The following DNAH2 variants were observed in gnomAD, a reference collection of about 807,000 sequenced individuals.
The protein encoded by DNAH2 is dynein axonemal heavy chain 2.
Under a neutral mutation model 523.5 loss-of-function variants are expected in DNAH2, and 323 were observed. The observed-to-expected ratio is 0.62, with a 90% CI of 0.56 to 0.68. DNAH2 has a LOEUF of 0.68. Among genes scored for constraint, DNAH2 ranks in the 30% least tolerant of loss-of-function variants. The probability of loss-of-function intolerance (pLI) is 0.00; values close to 1 mark genes in which losing one functional copy is unlikely to be tolerated. For synonymous variants in DNAH2, 2,093 were observed against 2,177.4 expected (o/e 0.96, Z 1.08); for missense variants, 4,907 against 5,701.5 (o/e 0.86, Z 4.49).
Position 7,787,919 on chromosome 17 carries a change from C to T in DNAH2, c.6663C>T (p.Arg2221=), listed in dbSNP as rs1449992159. 2 of 1,614,190 alleles carry T rather than the reference C, an allele frequency of 1.2e-6. No homozygotes were observed. The highest frequency in any genetic ancestry group is 4.5e-5 in the East Asian group (2 of 44,882). Residue 2221 remains arginine (R), a synonymous_variant, in exon 43 of 86, where the codon CGC becomes CGT. Transcript: ENST00000572933. ...TGGCCTCTCCGGCCACTGTATCCCG[C>T]TGCGGGATGGTCTACACTGACTACG... ...LAMASPATVS[R]CGMVYTDYAD...
intron 63 of DNAH2, among the ~76,000 whole-genome samples, chr17:7,812,267 T>G (rs187275362): frequency 6.6e-6 from 1 of 152,266 alleles, no homozygotes; most frequent in African/African-American, 2.4e-5. Context: ...CATTCTTTTC[T>G]TAGGGGGTTG....
chr17:7,778,663 G>T (rs920571764), intron 35 of DNAH2, among the ~76,000 whole-genome samples, 194 bp downstream of exon 35: 1 of 152,092 alleles, frequency 6.6e-6, no homozygotes, highest in Non-Finnish European at 1.5e-5. Context: ...TTGCCTGCTG[G>T]GTTCGGGCAA....
chr17:7,829,893 G>T (rs1284077928), intron 77 of DNAH2, among the ~76,000 whole-genome samples: 1 of 152,006 alleles, frequency 6.6e-6, no homozygotes, highest in Non-Finnish European at 1.5e-5. Flanking sequence ...GGGCATGGTG[G>T]TGGGCGCCTG....
At chr17:7,733,400 C>T in intron 5 of DNAH2, 85 bp downstream of exon 5, 1 of 1,324,040 alleles carries the variant, frequency 7.6e-7, no homozygotes, top group Non-Finnish European at 1.1e-6. Flanking sequence ...TTCGTCTGAG[C>T]ACCTGTGTGG....
Position 7,780,334 on chromosome 17 carries a change from T to C in DNAH2, c.5850+50T>C. Reference sequence around the variant, plus strand: ...AGTGATTTTAATTTCCTTTCATAATTATTCCCTGGACAGAGGAGCTCCCCA... The same window carrying C: ...AGTGATTTTAATTTCCTTTCATAATCATTCCCTGGACAGAGGAGCTCCCCA... On this transcript the variant is annotated intron_variant, in intron 37 of 85. Transcript: ENST00000572933. The surrounding 1 kb of genome is among the most constrained non-coding windows in gnomAD (Gnocchi z 4.4). 1 of 1,613,058 alleles carries C rather than the reference T, an allele frequency of 6.2e-7. No individual in the cohort carries two copies. The highest frequency in any genetic ancestry group is 8.5e-7 in the Non-Finnish European group (1 of 1,179,544).
chr17:7,826,544 T>TC (rs1224338399), intron 77 of DNAH2, among the ~76,000 whole-genome samples: 2 of 147,694 alleles, frequency 1.4e-5, no homozygotes, highest in African/African-American at 5.0e-5. Flanking sequence ...TCTTTTTTTT[T>TC]TTTTTTTTTT....
intron 32 of DNAH2, among the ~76,000 whole-genome samples, chr17:7,777,128 C>CA (rs748410853): frequency 0.06 from 5,234 of 87,736 alleles, 263 homozygotes; most frequent in African/African-American, 0.17. Flanking sequence ...GACTCTGTCT[C>CA]AAAAAAAAAA....
In DNAH2 at chr17:7,764,117, A is replaced by G; in HGVS notation, c.3180A>G (p.Lys1060=). The change falls in exon 20 of 86, where the codon AAA becomes AAG. Residue 1060 remains lysine, a splice_region_variant and synonymous_variant. Coordinates refer to ENST00000572933, the MANE Select transcript of DNAH2 (RefSeq NM_020877.5). ...TAGCACTCCCTTTGCCCGCCTTCAG[A>G]ATCAGCCGCCCTCCGCAGACACTGG... ...LHTYLKENAE[K]ISRPPQTLEE... 6.2e-7 allele frequency: 1 copy of G among 1,614,170 alleles called. No homozygotes were observed. The highest frequency in any genetic ancestry group is 1.7e-5 in the Admixed American group (1 of 60,012).
In DNAH2 at chr17:7,804,272, C is replaced by T. The variant is rs757065362; in HGVS notation, c.8989C>T (p.Arg2997Trp). 10 of 1,613,970 alleles carry T rather than the reference C, an allele frequency of 6.2e-6. No individual in the cohort carries two copies. The highest frequency in any genetic ancestry group is 4.5e-5 in the East Asian group (2 of 44,884). ...TTCCCCCAGGTTGCTGGGAGAAAAA[C>T]GGCAGGAGCTGCTGGCCCAAGCCAA... The part of the protein sequence containing the change: ...SGYKKLLGEK[R>W]QELLAQANKL... Residue 2997 changes from arginine to tryptophan, a missense_variant, in exon 59 of 86, where the codon CGG becomes TGG. Coordinates refer to ENST00000572933, the MANE Select transcript of DNAH2 (RefSeq NM_020877.5).
intron 8 of DNAH2, among the ~76,000 whole-genome samples, chr17:7,739,366 A>G (rs1352366296): frequency 1.3e-5 from 2 of 152,172 alleles, no homozygotes; most frequent in Non-Finnish European, 2.9e-5. Flanking sequence ...AGATCATGCC[A>G]CTGCACTCCA....
In DNAH2 at chr17:7,793,114, T is replaced by A. The variant is rs367803214; in HGVS notation, c.7478T>A (p.Phe2493Tyr). 66 of 1,614,102 alleles carry A rather than the reference T, an allele frequency of 4.1e-5. No individual in the cohort carries two copies. Among genetic ancestry groups the A allele is most frequent in the Non-Finnish European group, 5.5e-5 (65 of 1,180,060 alleles). ...DDLNMPAKDM[F>Y]GSQPPLELIR... is the part of the protein sequence containing the mutation. ...CTAAATATGCCCGCTAAGGACATGT[T>A]TGGGTCCCAGCCACCCCTGGAGCTG... is the stretch of plus-strand genomic sequence containing the variant. The change falls in exon 48 of 86, where the codon TTT (phenylalanine) becomes TAT (tyrosine). Residue 2493 changes from phenylalanine to tyrosine, a missense_variant. By Grantham distance (22) the Phe-to-Tyr change is conservative. Coordinates refer to ENST00000572933, the MANE Select transcript of DNAH2 (RefSeq NM_020877.5).
In DNAH2 at chr17:7,818,765, T is replaced by A. The variant is rs968891818; in HGVS notation, c.10659T>A (p.Asp3553Glu). The A allele has an allele frequency of 6.2e-7, 1 of 1,613,856 alleles. No homozygotes were observed. Among genetic ancestry groups the A allele is most frequent in the Non-Finnish European group, 8.5e-7 (1 of 1,179,896 alleles). Residue 3553 changes from aspartate (D) to glutamate (E), a missense_variant, in exon 70 of 86, where the codon GAT becomes GAA. Transcript: ENST00000572933. ...AGKRKLKELE[D>E]EILRLLNEAT... ...AAAGGAAGCTCAAGGAGCTGGAGGA[T>A]GAGATCCTGCGGTGAGGCCCTGCCT... is the stretch of plus-strand genomic sequence containing the variant.
At chr17:7,739,479 A>G (rs760326736) in intron 8 of DNAH2, among the ~76,000 whole-genome samples, 1 of 152,164 alleles carries the variant, frequency 6.6e-6, no homozygotes, top group Non-Finnish European at 1.5e-5. Flanking sequence ...CTACTACCAC[A>G]CCGCTTTTTC....
chr17:7,778,093 T>C lies in DNAH2; in HGVS notation c.5264T>C (p.Val1755Ala). 1 of 1,614,050 alleles carries C rather than the reference T, an allele frequency of 6.2e-7. No individual in the cohort carries two copies. Among genetic ancestry groups the C allele is most frequent in the Non-Finnish European group, 8.5e-7 (1 of 1,179,914 alleles). The change falls in exon 34 of 86, where the codon GTC (valine) becomes GCC (alanine). Residue 1755 changes from valine to alanine, a missense_variant. Coordinates refer to ENST00000572933, the MANE Select transcript of DNAH2 (RefSeq NM_020877.5). ...TTTCCCCAGGATCTTGATGACTGTGTCATCCGCCAGACCAACACGCAATTT... is the reference window on the plus strand; with the variant it reads ...TTTCCCCAGGATCTTGATGACTGTGCCATCCGCCAGACCAACACGCAATTT... ...FYWEKDLDDC[V>A]IRQTNTQFQY... is the part of the protein sequence containing the mutation.
rs747221077 is a variant in DNAH2, at chr17:7,830,759, C to A, written c.12147C>A (p.Val4049=). The A allele has an allele frequency of 6.2e-7, 1 of 1,614,134 alleles. No individual in the cohort carries two copies. The highest frequency in any genetic ancestry group is 8.5e-7 in the Non-Finnish European group (1 of 1,180,030). Residue 4049 remains valine, a synonymous_variant, in exon 79 of 86, where the codon GTC becomes GTA. Transcript: ENST00000572933. ...LIAGINYGGH[V]TDDWDRRLLT... ...CCGGCATCAACTATGGTGGACATGT[C>A]ACAGATGACTGGGACCGGCGCCTGC...
intron 63 of DNAH2, among the ~76,000 whole-genome samples, chr17:7,813,935 A>C (rs2151316036): frequency 6.6e-6 from 1 of 152,130 alleles, no homozygotes; most frequent in South Asian, 2.1e-4. Context: ...TTATTTATTC[A>C]AAAAAATATG....
At chr17:7,733,728 T>G (rs952380918) in intron 5 of DNAH2, among the ~76,000 whole-genome samples, 2 of 152,064 alleles carry the variant, frequency 1.3e-5, no homozygotes, top group African/African-American at 4.8e-5. Context: ...CCACCCGCCT[T>G]GGCCGCCCAA....
At chr17:7,726,307 A>AT (rs35883055) in intron 3 of DNAH2, among the ~76,000 whole-genome samples, 1,937 of 143,298 alleles carry the variant, frequency 0.014, 44 homozygotes, top group African/African-American at 0.047. Context: ...TACCCAGCTA[A>AT]TTTTTTTTTT....
chr17:7,740,696 G>A, intron 10 of DNAH2, 114 bp from the exon 11 acceptor site: 4 of 1,528,538 alleles, frequency 2.6e-6, no homozygotes, highest in Non-Finnish European at 3.5e-6. Context: ...CCCTGGCTTC[G>A]GCGTCCCCGG....
Sources: gnomAD v4.1 joint callset for allele counts (sites outside exome capture counted in the v4.1 genomes callset) on GRCh38, gnomAD v4.1.1 for gene constraint, Gnocchi (gnomAD v3.1) non-coding constraint, MANE v1.5 for transcripts, NCBI Gene and HGNC (gene_info 2026-07-23, HGNC 2026-07-21) for gene names.